Variants in TMEM132D observed in about 807,000 individuals in gnomAD.
The protein encoded by TMEM132D is mature OL transmembrane protein.
A neutral mutation model predicts 62.3 loss-of-function variants in TMEM132D; 21 were observed. The ratio of observed to expected loss-of-function variants is 0.34; its 90% CI spans 0.24 to 0.49. The LOEUF is 0.49. Ranked by LOEUF, TMEM132D falls within the 20% of genes least tolerant of loss-of-function variation. The probability of loss-of-function intolerance (pLI) is 0.99; values close to 1 mark genes in which losing one functional copy is unlikely to be tolerated. For synonymous variants in TMEM132D, 621 were observed against 575.6 expected (o/e 1.08, Z -1.13); for missense variants, 1,346 against 1,402.8 (o/e 0.96, Z 0.65).
intron 1 of TMEM132D, among the ~76,000 whole-genome samples, chr12:129,775,811 G>A (rs1870902872): frequency 6.6e-6 from 1 of 152,152 alleles, no homozygotes; most frequent in Non-Finnish European, 1.5e-5. Flanking sequence ...ATATGCACCT[G>A]CCATAATTCC....
chr12:129,118,652 G>T (rs1403023880), intron 5 of TMEM132D, among the ~76,000 whole-genome samples: 2 of 152,212 alleles, frequency 1.3e-5, no homozygotes, highest in Admixed American at 6.5e-5. Context: ...ACCTGGCACT[G>T]CTGTTTTGAT....
At chr12:129,131,759 T>C (rs1876380892) in intron 5 of TMEM132D, among the ~76,000 whole-genome samples, 1 of 152,166 alleles carries the variant, frequency 6.6e-6, no homozygotes, top group Non-Finnish European at 1.5e-5. Context: ...TTAAATACCA[T>C]CACACTCGAC....
intron 2 of TMEM132D, among the ~76,000 whole-genome samples, chr12:129,588,742 TTTTTTC>T (rs1388196928): frequency 2.0e-3 from 17 of 8,554 alleles, no homozygotes; most frequent in Admixed American, 0.012. Context: ...GCCCAGCTAT[TTTTTTC>T]TTTTTTTTTT....
At chr12:129,713,151 A>C (rs1383456363) in intron 1 of TMEM132D, among the ~76,000 whole-genome samples, 1 of 152,128 alleles carries the variant, frequency 6.6e-6, no homozygotes, top group Non-Finnish European at 1.5e-5. Flanking sequence ...TAGGATGCAC[A>C]TTCTCAGGCC....
chr12:129,761,218 G>A (rs1870365541), intron 1 of TMEM132D, among the ~76,000 whole-genome samples: 1 of 152,110 alleles, frequency 6.6e-6, no homozygotes, highest in Admixed American at 6.5e-5. Context: ...TTGGTTCAAT[G>A]TCTCGGTCAC....
chr12:129,205,013 T>C (rs1878803689), intron 5 of TMEM132D, among the ~76,000 whole-genome samples: 1 of 151,922 alleles, frequency 6.6e-6, no homozygotes, highest in Non-Finnish European at 1.5e-5. Context: ...TGACAAGAGG[T>C]CCTGAAAGGA....
chr12:129,651,979 C>G (rs1215940141), intron 2 of TMEM132D, among the ~76,000 whole-genome samples: 2 of 152,156 alleles, frequency 1.3e-5, no homozygotes, highest in African/African-American at 4.8e-5. Context: ...TAGAAGGTAA[C>G]CTTTAGTCCC....
At chr12:129,742,247 T>A (rs893985644) in intron 1 of TMEM132D, among the ~76,000 whole-genome samples, 3 of 152,208 alleles carry the variant, frequency 2.0e-5, no homozygotes, top group African/African-American at 7.2e-5. Context: ...AGAGGTTTAT[T>A]TGGCACACAG....
chr12:129,429,340 T>C (rs905894222), intron 3 of TMEM132D, among the ~76,000 whole-genome samples: 2 of 151,996 alleles, frequency 1.3e-5, no homozygotes, highest in Admixed American at 6.5e-5. Context: ...CAGAAAGGGA[T>C]TTAATAGAGG....
chr12:129,896,136 A>AT (rs139243304), intron 1 of TMEM132D, among the ~76,000 whole-genome samples: 13,398 of 130,710 alleles, frequency 0.1, 817 homozygotes, highest in South Asian at 0.19. Flanking sequence ...CACCTGGCTC[A>AT]TTTTTTTTGT....
At chr12:129,315,922 G>A (rs1309963059) in intron 4 of TMEM132D, among the ~76,000 whole-genome samples, 1 of 152,084 alleles carries the variant, frequency 6.6e-6, no homozygotes, top group African/African-American at 2.4e-5. Context: ...TCTAGCTTAT[G>A]TGCGTAAAGG....
intron 4 of TMEM132D, among the ~76,000 whole-genome samples, chr12:129,219,901 G>T (rs1879306483): frequency 6.6e-6 from 1 of 152,124 alleles, no homozygotes; most frequent in East Asian, 1.9e-4. Flanking sequence ...TGCACCTTTT[G>T]GGAGCACAGT....
At chr12:129,817,576 A>C (rs1187975094) in intron 1 of TMEM132D, among the ~76,000 whole-genome samples, 1 of 138,020 alleles carries the variant, frequency 7.2e-6, no homozygotes, top group African/African-American at 2.7e-5. Context: ...AAAGAATCAC[A>C]TCATAAAGAT....
At chr12:129,256,765 C>T (rs1447222381) in intron 4 of TMEM132D, among the ~76,000 whole-genome samples, 1 of 152,254 alleles carries the variant, frequency 6.6e-6, no homozygotes, top group East Asian at 1.9e-4. Flanking sequence ...CTGTGTTGGC[C>T]AGGCTGGTCT....
intron 5 of TMEM132D, among the ~76,000 whole-genome samples, chr12:129,124,241 T>C (rs1467373993): frequency 6.6e-6 from 1 of 152,112 alleles, no homozygotes; most frequent in Non-Finnish European, 1.5e-5. Flanking sequence ...AGCCCAGAGC[T>C]CTCTTCATCT....
At chr12:129,604,233 C>T (rs113694716) in intron 2 of TMEM132D, among the ~76,000 whole-genome samples, 15,143 of 152,048 alleles carry the variant, frequency 0.1, 865 homozygotes, top group African/African-American at 0.15. Flanking sequence ...GCTTAAAACC[C>T]AGATGATGGG....
intron 3 of TMEM132D, among the ~76,000 whole-genome samples, chr12:129,473,324 GTT>G (rs751523415): frequency 1.2e-5 from 1 of 81,550 alleles, no homozygotes; most frequent in Non-Finnish European, 2.2e-5. Context: ...TTTAGTTTTT[GTT>G]TTTTTTTTTT....
chr12:129,484,666 T>C lies in TMEM132D; in HGVS notation c.1115+46393A>G, dbSNP rs1023192696. ...ACAATGGAATCTTCTTTCTTTCTTC[T>C]GTCTTCAGTTTCTGGAAAAGTTAGA... On this transcript the variant is annotated intron_variant, in intron 3 of 8. Transcript: ENST00000422113. Among the ~76,000 whole-genome samples the C allele has an allele frequency of 2.0e-5, 3 of 152,226 alleles. No homozygotes were observed. The East Asian group carries it at 5.8e-4, about 29-fold the overall frequency.
At chr12:129,557,676 A>T (rs1013807053) in intron 2 of TMEM132D, among the ~76,000 whole-genome samples, 1 of 152,224 alleles carries the variant, frequency 6.6e-6, no homozygotes, top group Non-Finnish European at 1.5e-5. Flanking sequence ...TGATCACACC[A>T]TTGCACTCCA....
Sources: allele counts gnomAD v4.1 joint callset (sites outside exome capture counted in the v4.1 genomes callset), GRCh38; gene constraint gnomAD v4.1.1; transcripts MANE v1.5; gene names NCBI Gene and HGNC (gene_info 2026-07-23, HGNC 2026-07-21).